Variants in LRRN2 observed in about 807,000 individuals in gnomAD.
LRRN2 encodes the protein leucine rich repeat neuronal 2, also known as leucine-rich repeat neuronal protein 2.
In LRRN2, 10 loss-of-function variants were observed where a neutral mutation model predicts 35.7. That is an observed-to-expected ratio of 0.28 (90% CI 0.17 to 0.47). The LOEUF (loss-of-function observed/expected upper bound fraction) is 0.47, where lower values mean the gene tolerates loss of function less well. LRRN2 is among the 20% of genes least tolerant of loss of function. LRRN2 has a pLI of 0.99. For synonymous variants in LRRN2, 391 were observed against 409.6 expected (o/e 0.95, Z 0.55); for missense variants, 731 against 940.3 (o/e 0.78, Z 2.91).
chr1:204,673,416 G>T (rs534806888), intron 1 of LRRN2, among the ~76,000 whole-genome samples: 3 of 152,322 alleles, frequency 2.0e-5, no homozygotes, highest in Admixed American at 2.0e-4. Flanking sequence ...TGAACTGGGT[G>T]TGTTAAACCC....
At chr1:204,623,010 G>C (rs548876440) in intron 1 of LRRN2, among the ~76,000 whole-genome samples, 4 of 152,308 alleles carry the variant, frequency 2.6e-5, no homozygotes, top group Non-Finnish European at 4.4e-5. Context: ...TCCAGCTATA[G>C]GACTTCTTAG....
chr1:204,630,333 G>A (rs7553683), intron 1 of LRRN2, among the ~76,000 whole-genome samples: 102,854 of 150,198 alleles, frequency 0.68, 35,616 homozygotes, highest in East Asian at 0.87. Flanking sequence ...AGGCCTGGTC[G>A]GAGGGGCTGG....
chr1:204,642,576 T>C (rs1668006224), intron 1 of LRRN2, among the ~76,000 whole-genome samples: 1 of 152,088 alleles, frequency 6.6e-6, no homozygotes, highest in African/African-American at 2.4e-5. Flanking sequence ...CAGTCCCCAA[T>C]CCACCCTCTA....
In LRRN2 at chr1:204,618,573, A is replaced by G; in HGVS notation, c.1420T>C (p.Tyr474His). The change falls in exon 2 of 2, where the codon TAC becomes CAC. Residue 474 changes from tyrosine (Y) to histidine (H), a missense_variant. Tyr to His is a moderately conservative substitution (Grantham distance 83, BLOSUM62 2). Around this residue, in one of 3 missense-constraint regions of LRRN2, gnomAD observed 256 missense variants for 392.4 expected, o/e 0.65. Transcript: ENST00000367177. The part of the protein sequence containing the change: ...RLTPAHAGRR[Y>H]RVYPEGTLEL... ...AGGGTCCCCTCGGGGTACACCCGGT[A>G]CCTCCTGCCTGCATGGGCAGGTGTC... 1 of 1,613,820 alleles carries G rather than the reference A, an allele frequency of 6.2e-7. No homozygotes were observed. The highest frequency in any genetic ancestry group is 1.1e-5 in the South Asian group (1 of 91,058).
chr1:204,636,647 C>T (rs933157308), intron 1 of LRRN2, among the ~76,000 whole-genome samples: 1 of 152,160 alleles, frequency 6.6e-6, no homozygotes, highest in South Asian at 2.1e-4. Flanking sequence ...TGCCTGTAGT[C>T]CTAGCTACTC....
intron 1 of LRRN2, among the ~76,000 whole-genome samples, chr1:204,634,334 G>A (rs879313309): frequency 2.6e-5 from 4 of 152,220 alleles, no homozygotes; most frequent in Non-Finnish European, 4.4e-5. Context: ...GATGGAGCCC[G>A]CTGTGCAAAC....
chr1:204,653,395 G>A (rs1668276579), intron 1 of LRRN2, among the ~76,000 whole-genome samples: 1 of 152,216 alleles, frequency 6.6e-6, no homozygotes, highest in African/African-American at 2.4e-5. Context: ...ACACCTCTCT[G>A]ATTTCTGGGC....
At chr1:204,652,263 C>CCCCTCCCCG (rs1335264704) in intron 1 of LRRN2, among the ~76,000 whole-genome samples, 859 of 73,440 alleles carry the variant, frequency 0.012, 12 homozygotes, top group Middle Eastern at 0.051. Context: ...CTTCACCGCC[C>CCCCTCCCCG]CCCCCCCGCC....
At chr1:204,655,353 T>C (rs1485775731) in intron 1 of LRRN2, among the ~76,000 whole-genome samples, 3 of 152,250 alleles carry the variant, frequency 2.0e-5, no homozygotes, top group African/African-American at 7.2e-5. Flanking sequence ...AGTGGCGCGA[T>C]CTGGGGTCAC....
At position 204,617,935 on chromosome 1, in the gene LRRN2, G is replaced by A. The variant is rs1356544851; in HGVS notation, c.2058C>T (p.Leu686=). 5 of 1,613,930 alleles carry A rather than the reference G, an allele frequency of 3.1e-6. No homozygotes were observed. Among genetic ancestry groups the A allele is most frequent in the African/African-American group, 2.7e-5 (2 of 74,938 alleles). The change falls in exon 2 of 2, where the codon CTC becomes CTT. Residue 686 remains leucine (L), a synonymous_variant. Coordinates refer to ENST00000367177, the MANE Select transcript of LRRN2 (RefSeq NM_201630.2). ...APSVRVVSAP[L]VLPWNPGRKL... is the part of the protein sequence containing the mutation. ...TCCTCCCTGGATTCCAGGGCAGGACGAGGGGAGCAGACACAACCCGGACAG... is the reference window on the plus strand; with the variant it reads ...TCCTCCCTGGATTCCAGGGCAGGACAAGGGGAGCAGACACAACCCGGACAG...
intron 1 of LRRN2, among the ~76,000 whole-genome samples, chr1:204,675,439 A>G (rs1558423784): frequency 1.3e-5 from 2 of 151,956 alleles, no homozygotes; most frequent in African/African-American, 4.8e-5. Context: ...TGGAGGAGAG[A>G]CTCTGTTTCC....
At chr1:204,678,722 AC>A (rs1274266779) in intron 1 of LRRN2, among the ~76,000 whole-genome samples, 1 of 151,314 alleles carries the variant, frequency 6.6e-6, no homozygotes, top group African/African-American at 2.4e-5. Flanking sequence ...CTGTGGTGCC[AC>A]CCCCTCATCT....
rs187560782 is a variant in LRRN2, at chr1:204,646,352, T to C, written c.-226-26134A>G. Among the ~76,000 whole-genome samples the C allele has an allele frequency of 3.9e-5, 6 of 152,236 alleles. No individual in the cohort carries two copies. The East Asian group carries it at 1.2e-3, about 29-fold the overall frequency. ...CGTGTGTGTGTTATTTTTCGTTTAG[T>C]TTTTAGTGAACGTTCTTTTCAAAAA... On this transcript the variant is annotated intron_variant, in intron 1 of 1. Transcript: ENST00000367177.
At chr1:204,637,270 T>C (rs1291277588) in intron 1 of LRRN2, among the ~76,000 whole-genome samples, 1 of 152,248 alleles carries the variant, frequency 6.6e-6, no homozygotes, top group Non-Finnish European at 1.5e-5. Context: ...GCCGTCCACA[T>C]GTGAAAGAAC....
chr1:204,618,881 A>G lies in LRRN2; in HGVS notation c.1112T>C (p.Ile371Thr). The G allele has an allele frequency of 6.2e-7, 1 of 1,614,068 alleles. No individual in the cohort carries two copies. The highest frequency in any genetic ancestry group is 8.5e-7 in the Non-Finnish European group (1 of 1,180,008). ...CCAGCGGATGACACAGTCACAGCGG[A>G]TGGGGTTGCCGTGGAGACCTACCTC... ...LQEVGLHGNP[I>T]RCDCVIRWAN... The change falls in exon 2 of 2, where the codon ATC becomes ACC. Residue 371 changes from isoleucine (I) to threonine (T), a missense_variant. Coordinates refer to ENST00000367177, the MANE Select transcript of LRRN2 (RefSeq NM_201630.2).
chr1:204,682,085 C>T (rs1185814007), intron 1 of LRRN2, among the ~76,000 whole-genome samples: 5 of 152,112 alleles, frequency 3.3e-5, no homozygotes, highest in African/African-American at 1.2e-4. Flanking sequence ...TATAAAGAGT[C>T]CAAGCCATAT....
rs116599299 is a variant in LRRN2 at position 204,618,045 on chromosome 1, G to C, written c.1948C>G (p.Leu650Val). The change falls in exon 2 of 2, where the codon CTT (leucine) becomes GTT (valine). Residue 650 changes from leucine (L) to valine (V), a missense_variant. Transcript: ENST00000367177. Reference protein sequence around the residue: ...LLLAAGLAAHLGTGQPRKGVG... With the variant: ...LLLAAGLAAHVGTGQPRKGVG... ...CCCTTCCTGGGTTGGCCTGTGCCAA[G>C]GTGGGCCGCTAGCCCAGCTGCCAGG... The C allele has an allele frequency of 7.6e-5, 123 of 1,613,072 alleles. 1 individual carries two copies. The African/African-American group carries it at 1.3e-3, about 17-fold the overall frequency.
At chr1:204,637,758 C>A (rs562925496) in intron 1 of LRRN2, among the ~76,000 whole-genome samples, 10 of 151,600 alleles carry the variant, frequency 6.6e-5, no homozygotes, top group Non-Finnish European at 1.3e-4. Flanking sequence ...GACCCCCGGG[C>A]CTCATCTGTA....
At chr1:204,644,482 G>A (rs1257487506) in intron 1 of LRRN2, among the ~76,000 whole-genome samples, 1 of 152,196 alleles carries the variant, frequency 6.6e-6, no homozygotes, top group Non-Finnish European at 1.5e-5. Context: ...GCCCTGGACA[G>A]GAGCTGGCTG....
Sources: allele counts gnomAD v4.1 joint callset (sites outside exome capture counted in the v4.1 genomes callset), GRCh38; gene constraint gnomAD v4.1.1; regional missense constraint gnomAD v4.1.1; transcripts MANE v1.5; gene names NCBI Gene and HGNC (gene_info 2026-07-23, HGNC 2026-07-21).